CLIC5: variants seen among roughly 807,000 people sequenced by gnomAD.
The protein encoded by CLIC5 is chloride intracellular channel protein 5.
CLIC5 carries 20 observed loss-of-function variants against 24.7 expected under a neutral mutation model. That is an observed-to-expected ratio of 0.81 (90% CI 0.57 to 1.18). CLIC5 has a LOEUF of 1.18. CLIC5 is among the 50% of genes most tolerant of loss of function. CLIC5 has a pLI of 0.00. For missense variants in CLIC5, 341 were observed against 326.1 expected, an observed-to-expected ratio of 1.05 and a Z score of -0.35; for synonymous variants, 159 against 135.6, an observed-to-expected ratio of 1.17 and a Z score of -1.20.
At chr6:45,939,888 C>CACTA (rs1207766598) in intron 4 of CLIC5, among the ~76,000 whole-genome samples, 1 of 151,500 alleles carries the variant, frequency 6.6e-6, no homozygotes, top group African/African-American at 2.4e-5. Flanking sequence ...TGGGGGGACA[C>CACTA]TACTCAACAC....
chr6:46,070,025 C>T (rs985834580), intron 1 of CLIC5, among the ~76,000 whole-genome samples: 2 of 152,242 alleles, frequency 1.3e-5, no homozygotes, highest in Admixed American at 6.5e-5. Flanking sequence ...TTCAACATCC[C>T]TTCATGTTAA....
chr6:45,936,196 CTTTTTTT>C (rs60969238), intron 4 of CLIC5, among the ~76,000 whole-genome samples: 6 of 80,286 alleles, frequency 7.5e-5, no homozygotes, highest in African/African-American at 2.5e-4. Flanking sequence ...CAACGGCTGA[CTTTTTTT>C]TTTTTTTTTT....
At chr6:45,962,063 T>TACACACAC (rs74732121) in intron 1 of CLIC5, among the ~76,000 whole-genome samples, 1,800 of 145,512 alleles carry the variant, frequency 0.012, 21 homozygotes, top group East Asian at 0.044. Flanking sequence ...TATATGTACA[T>TACACACAC]ACACACACAC....
chr6:45,981,790 A>G (rs1765576736), intron 1 of CLIC5, among the ~76,000 whole-genome samples: 1 of 152,082 alleles, frequency 6.6e-6, no homozygotes, highest in Admixed American at 6.5e-5. Flanking sequence ...GGATCACCTG[A>G]GGATCAAGAT....
intron 1 of CLIC5, among the ~76,000 whole-genome samples, chr6:45,974,514 T>TAG (rs1765315451): frequency 3.2e-5 from 3 of 92,628 alleles, no homozygotes; most frequent in African/African-American, 1.3e-4. Context: ...TATATATATA[T>TAG]ATATATATAG....
chr6:45,936,290 C>T (rs536587962), intron 4 of CLIC5, among the ~76,000 whole-genome samples: 19 of 150,834 alleles, frequency 1.3e-4, no homozygotes, highest in African/African-American at 2.9e-4. Context: ...CTGCAACCTC[C>T]GCCTCCCGGG....
intron 1 of CLIC5, among the ~76,000 whole-genome samples, chr6:46,032,013 T>G (rs573727416): frequency 6.6e-5 from 10 of 151,656 alleles, no homozygotes; most frequent in African/African-American, 1.7e-4. Flanking sequence ...GATACTAAAT[T>G]GTAAATAGTG....
At chr6:45,970,388 T>C (rs926205245) in intron 1 of CLIC5, among the ~76,000 whole-genome samples, 2 of 152,240 alleles carry the variant, frequency 1.3e-5, no homozygotes, top group South Asian at 4.1e-4. Flanking sequence ...TTGAACTTGC[T>C]GCTGGCTGAG....
intron 3 of CLIC5, among the ~76,000 whole-genome samples, chr6:45,944,990 T>C (rs1267973622): frequency 6.6e-6 from 1 of 152,242 alleles, no homozygotes; most frequent in African/African-American, 2.4e-5. Context: ...GACTGTGTGC[T>C]TGTTTGACTC....
the CLIC5 span, among the ~76,000 whole-genome samples, chr6:46,085,447 T>C: frequency 1.3e-5 from 2 of 152,088 alleles, no homozygotes; most frequent in Admixed American, 1.3e-4. Flanking sequence ...TACAGATGGG[T>C]TTTTGGTGTG....
At chr6:45,962,016 A>ATGTG (rs147836190) in intron 1 of CLIC5, among the ~76,000 whole-genome samples, 16 of 149,456 alleles carry the variant, frequency 1.1e-4, no homozygotes, top group African/African-American at 3.5e-4. Flanking sequence ...CACAACATGT[A>ATGTG]TGTGTGTGTG....
At chr6:46,062,124 C>T (rs891100275) in intron 1 of CLIC5, among the ~76,000 whole-genome samples, 3 of 152,226 alleles carry the variant, frequency 2.0e-5, no homozygotes, top group Non-Finnish European at 4.4e-5. Flanking sequence ...TAAATTTAAA[C>T]AGCCACATGC....
At chr6:45,953,338 A>T (rs996516961) in intron 2 of CLIC5, among the ~76,000 whole-genome samples, 2 of 152,190 alleles carry the variant, frequency 1.3e-5, no homozygotes, top group African/African-American at 4.8e-5. Context: ...CAACATAGAC[A>T]ACAGGTGCTG....
the CLIC5 span, among the ~76,000 whole-genome samples, chr6:46,090,020 T>C: frequency 0.16 from 24,307 of 152,130 alleles, 2,163 homozygotes; most frequent in South Asian, 0.33. Context: ...TTAGGGTGCA[T>C]GTCCCCCAAC....
rs1289822380 is a variant in CLIC5 at position 46,040,297 on chromosome 6, GTAT to G, written c.540+39403_540+39405del. ...GTTGTTGAAGACAACGCGATTGGTA[GTAT>G]TTGATTTGTTGCTCATAGTGTTAAT... On this transcript the variant is annotated intron_variant, in intron 1 of 5. Coordinates refer to the CLIC5 transcript ENST00000185206. Among the ~76,000 whole-genome samples, 3 of 152,258 alleles carry G rather than the reference GTAT, an allele frequency of 2.0e-5. No homozygotes were observed. In the East Asian group the frequency reaches 5.8e-4, roughly 29 times the overall value.
At chr6:46,110,214 C>G in the CLIC5 span, among the ~76,000 whole-genome samples, 2 of 152,236 alleles carry the variant, frequency 1.3e-5, no homozygotes, top group African/African-American at 4.8e-5. Context: ...ATTCTCACCA[C>G]CTGTTTCTTT....
intron 5 of CLIC5, among the ~76,000 whole-genome samples, chr6:45,903,657 A>C (rs893397575): frequency 6.6e-6 from 1 of 152,238 alleles, no homozygotes; most frequent in Non-Finnish European, 1.5e-5. Context: ...AGGGACATTA[A>C]AAATGATGCT....
chr6:46,106,114 T>C, the CLIC5 span, among the ~76,000 whole-genome samples: 1 of 152,150 alleles, frequency 6.6e-6, no homozygotes, highest in African/African-American at 2.4e-5. Context: ...TGGAATTCAA[T>C]GGAAAAGTGG....
At chr6:45,941,334 C>G (rs572886145) in intron 4 of CLIC5, among the ~76,000 whole-genome samples, 1 of 152,328 alleles carries the variant, frequency 6.6e-6, no homozygotes, top group South Asian at 2.1e-4. Flanking sequence ...AGCCTTTCCT[C>G]CTGCACCAGC....
Sources: allele counts gnomAD v4.1 joint callset (sites outside exome capture counted in the v4.1 genomes callset), GRCh38; gene constraint gnomAD v4.1.1; transcripts MANE v1.5; gene names NCBI Gene and HGNC (gene_info 2026-07-23, HGNC 2026-07-21).